The following TMEM143 variants were observed in gnomAD, a reference collection of about 807,000 sequenced individuals.
TMEM143 encodes the protein transmembrane protein 143.
TMEM143 carries 45 observed loss-of-function variants against 40.3 expected under a neutral mutation model. That is an observed-to-expected ratio of 1.12 (90% CI 0.88 to 1.43). TMEM143 has a LOEUF of 1.43. Ranked by LOEUF, TMEM143 falls within the 40% of genes most tolerant of loss-of-function variation. The probability of loss-of-function intolerance (pLI) is 0.00; values close to 1 mark genes in which losing one functional copy is unlikely to be tolerated. For synonymous variants in TMEM143, 299 were observed against 282.7 expected (o/e 1.06, Z -0.58); for missense variants, 620 against 613.4 (o/e 1.01, Z -0.11).
At chr19:48,348,349 C>T (rs1480434694) in intron 3 of TMEM143, among the ~76,000 whole-genome samples, 1 of 152,104 alleles carries the variant, frequency 6.6e-6, no homozygotes, top group Non-Finnish European at 1.5e-5. Flanking sequence ...GCCGATTCCA[C>T]CTTCAAGCAG....
intron 6 of TMEM143, among the ~76,000 whole-genome samples, chr19:48,339,838 C>A (rs923047768): frequency 2.6e-5 from 4 of 152,192 alleles, no homozygotes; most frequent in Non-Finnish European, 5.9e-5. Flanking sequence ...AAGTGATTCT[C>A]CTGCCTCAGC....
chr19:48,347,994 C>T (rs868671234), intron 3 of TMEM143, among the ~76,000 whole-genome samples: 2 of 149,396 alleles, frequency 1.3e-5, no homozygotes, highest in Admixed American at 6.7e-5. Context: ...CCACTCCACT[C>T]CAGCCTGGGT....
At chr19:48,362,263 G>C (rs544030483) in intron 2 of TMEM143, among the ~76,000 whole-genome samples, 1 of 152,238 alleles carries the variant, frequency 6.6e-6, no homozygotes, top group South Asian at 2.1e-4. Context: ...ATGATGGTGA[G>C]GTGTGGTGGC....
At chr19:48,363,240 G>T (rs764237859) in intron 2 of TMEM143, 51 bp downstream of exon 2, 24 of 1,557,416 alleles carry the variant, frequency 1.5e-5, no homozygotes, top group Non-Finnish European at 1.8e-5. Flanking sequence ...CCGCCGCGAA[G>T]CCTGCTGGGA....
intron 3 of TMEM143, among the ~76,000 whole-genome samples, chr19:48,358,501 C>T (rs1201924828): frequency 5.3e-5 from 8 of 152,072 alleles, no homozygotes; most frequent in East Asian, 1.9e-4. Flanking sequence ...CATCCCACCA[C>T]GGTCTCCCCC....
intron 2 of TMEM143, among the ~76,000 whole-genome samples, chr19:48,362,597 G>C (rs1043431557): frequency 7.2e-5 from 11 of 152,178 alleles, no homozygotes; most frequent in Non-Finnish European, 1.0e-4. Flanking sequence ...TGATGATGGT[G>C]GCAATAAGAC....
rs1302611471 is a variant in TMEM143 at position 48,333,428 on chromosome 19, A to T, written c.1171T>A (p.Ser391Thr). The T allele has an allele frequency of 1.9e-6, 3 of 1,584,894 alleles. No individual in the cohort carries two copies. The highest frequency in any genetic ancestry group is 2.6e-6 in the Non-Finnish European group (3 of 1,162,376). The change falls in exon 8 of 8, where the codon TCC (serine) becomes ACC (threonine). Residue 391 changes from serine (S) to threonine (T), a missense_variant. Transcript: ENST00000293261. This position sits in a 1 kb window ranked among gnomAD's most constrained non-coding sequence, Gnocchi z 4.1. Reference sequence around the variant, plus strand: ...TCCACCTCCGACCGGAGCCACCTGGAGGTCTCTGCAAGGGGAGAGGCAGGT... The same window carrying T: ...TCCACCTCCGACCGGAGCCACCTGGTGGTCTCTGCAAGGGGAGAGGCAGGT... ...GGTQGSPEET[S>T]RWLRSEVENW...
At chr19:48,355,159 T>C (rs1197475043) in intron 3 of TMEM143, among the ~76,000 whole-genome samples, 5 of 151,934 alleles carry the variant, frequency 3.3e-5, no homozygotes, top group Non-Finnish European at 7.4e-5. Flanking sequence ...CTCAGCTTCC[T>C]GAGTAGCTGG....
chr19:48,356,341 T>C (rs1234485009), intron 3 of TMEM143, among the ~76,000 whole-genome samples: 1 of 151,756 alleles, frequency 6.6e-6, no homozygotes, highest in Non-Finnish European at 1.5e-5. Flanking sequence ...TTGGCCGGGA[T>C]GGTCTCGATC....
chr19:48,347,619 T>C (rs1228284786), intron 3 of TMEM143, among the ~76,000 whole-genome samples: 1 of 150,052 alleles, frequency 6.7e-6, no homozygotes, highest in Admixed American at 6.8e-5. Context: ...TGCAGTGGCA[T>C]GATCCCAGCT....
intron 6 of TMEM143, among the ~76,000 whole-genome samples, chr19:48,334,452 TTCTTTCTTTCTTTC>T (rs1969309021): frequency 2.2e-5 from 1 of 46,254 alleles, no homozygotes; most frequent in Non-Finnish European, 4.9e-5. Context: ...CTTTCTTTCT[TTCTTTCTTTCTTTC>T]TTTCTTTCTT....
chr19:48,339,820 C>T (rs1969449633), intron 6 of TMEM143, among the ~76,000 whole-genome samples: 1 of 152,136 alleles, frequency 6.6e-6, no homozygotes, highest in African/African-American at 2.4e-5. Flanking sequence ...CCTCCACCTC[C>T]CGAGTTCAAG....
intron 6 of TMEM143, among the ~76,000 whole-genome samples, chr19:48,341,347 C>T (rs1287023440): frequency 9.2e-5 from 14 of 152,130 alleles, no homozygotes; most frequent in Non-Finnish European, 7.4e-5. Context: ...CAAGGCAGCC[C>T]GGCACTCACA....
intron 6 of TMEM143, among the ~76,000 whole-genome samples, chr19:48,339,322 C>T (rs970538546): frequency 1.1e-4 from 16 of 152,264 alleles, no homozygotes; most frequent in African/African-American, 2.6e-4. Flanking sequence ...GGGCCCCAGC[C>T]GGGAGGCTGA....
At chr19:48,334,545 C>T (rs1600892298) in intron 6 of TMEM143, among the ~76,000 whole-genome samples, 1 of 128,442 alleles carries the variant, frequency 7.8e-6, no homozygotes. Flanking sequence ...TCTTTTCTTT[C>T]TTTCTTTTTC....
chr19:48,350,157 T>C (rs1969731188), intron 3 of TMEM143, among the ~76,000 whole-genome samples: 1 of 151,522 alleles, frequency 6.6e-6, no homozygotes, highest in Non-Finnish European at 1.5e-5. Flanking sequence ...CCCGCTACCA[T>C]GCCAGCTAAT....
intron 3 of TMEM143, among the ~76,000 whole-genome samples, chr19:48,356,876 G>A (rs919124393): frequency 6.1e-5 from 9 of 147,888 alleles, no homozygotes; most frequent in African/African-American, 2.5e-5. Context: ...TTACAGGCGT[G>A]AGCCACAGCA....
chr19:48,363,212 G>A (rs1600932944), intron 2 of TMEM143, 79 bp downstream of exon 2: 5 of 1,522,204 alleles, frequency 3.3e-6, no homozygotes, highest in Non-Finnish European at 4.4e-6. Flanking sequence ...GCAGCTCTCT[G>A]CAGCAACTAG....
chr19:48,349,580 G>A (rs2147373754), intron 3 of TMEM143, among the ~76,000 whole-genome samples: 1 of 152,088 alleles, frequency 6.6e-6, no homozygotes, highest in East Asian at 1.9e-4. Context: ...TGGAGGTGGA[G>A]GTTGCAGTAA....
Sources: allele counts gnomAD v4.1 joint callset (sites outside exome capture counted in the v4.1 genomes callset), GRCh38; gene constraint gnomAD v4.1.1; non-coding constraint Gnocchi (gnomAD v3.1); transcripts MANE v1.5; gene names NCBI Gene and HGNC (gene_info 2026-07-23, HGNC 2026-07-21).